The following TMTC2 variants were observed in gnomAD, a reference collection of about 807,000 sequenced individuals.
TMTC2 encodes the protein transmembrane O-mannosyltransferase targeting cadherins 2.
A neutral mutation model predicts 82.4 loss-of-function variants in TMTC2; 43 were observed. The ratio of observed to expected loss-of-function variants is 0.52; its 90% confidence interval spans 0.41 to 0.67. The LOEUF (loss-of-function observed/expected upper bound fraction) is 0.67, where lower values mean the gene tolerates loss of function less well. TMTC2 is among the 30% of genes least tolerant of loss of function. The pLI is 0.00. For synonymous variants in TMTC2, 408 were observed against 381.9 expected, an observed-to-expected ratio of 1.07 and a Z score of -0.80; for missense variants, 919 against 1,012.4, an observed-to-expected ratio of 0.91 and a Z score of 1.25.
intron 1 of TMTC2, among the ~76,000 whole-genome samples, chr12:82,721,863 T>C (rs7974416): frequency 6.6e-6 from 1 of 152,204 alleles, no homozygotes; most frequent in African/African-American, 2.4e-5. Context: ...GAGTACTATG[T>C]GATATAAATA....
intron 1 of TMTC2, among the ~76,000 whole-genome samples, chr12:82,728,772 C>T (rs1424912883): frequency 6.6e-6 from 1 of 152,198 alleles, no homozygotes; most frequent in Non-Finnish European, 1.5e-5. Context: ...GGTGTGGAGG[C>T]AGAGGCGTGG....
At chr12:82,960,353 A>G (rs1338451948) in intron 4 of TMTC2, among the ~76,000 whole-genome samples, 1 of 152,120 alleles carries the variant, frequency 6.6e-6, no homozygotes, top group Non-Finnish European at 1.5e-5. Flanking sequence ...AGCACTAGTC[A>G]AAATAACAAA....
At chr12:82,828,591 T>C (rs1469946546) in intron 1 of TMTC2, among the ~76,000 whole-genome samples, 1 of 152,192 alleles carries the variant, frequency 6.6e-6, no homozygotes, top group African/African-American at 2.4e-5. Flanking sequence ...TAGTTAAGCC[T>C]TTCATATGAG....
At chr12:82,960,309 A>G (rs368238782) in intron 4 of TMTC2, among the ~76,000 whole-genome samples, 6 of 152,124 alleles carry the variant, frequency 3.9e-5, no homozygotes, top group Non-Finnish European at 7.4e-5. Context: ...AACTCATTCA[A>G]TCAAAAAGAC....
At chr12:82,713,156 C>T (rs1873715675) in intron 1 of TMTC2, among the ~76,000 whole-genome samples, 1 of 151,962 alleles carries the variant, frequency 6.6e-6, no homozygotes, top group African/African-American at 2.4e-5. Flanking sequence ...CCCGTCTCTA[C>T]TAGAAAGACA....
At chr12:82,999,870 A>C (rs2137364993) in intron 8 of TMTC2, among the ~76,000 whole-genome samples, 1 of 152,306 alleles carries the variant, frequency 6.6e-6, no homozygotes, top group East Asian at 1.9e-4. Context: ...TCATGTCTTC[A>C]CATTTCAAAA....
intron 1 of TMTC2, among the ~76,000 whole-genome samples, chr12:82,713,081 A>G (rs938331173): frequency 6.6e-6 from 1 of 152,190 alleles, no homozygotes; most frequent in Non-Finnish European, 1.5e-5. Context: ...GCACTTTGGG[A>G]GGCCAAGGAG....
intron 4 of TMTC2, among the ~76,000 whole-genome samples, chr12:82,955,822 C>G (rs2137286722): frequency 6.6e-6 from 1 of 152,148 alleles, no homozygotes; most frequent in African/African-American, 2.4e-5. Flanking sequence ...GAGGAGAAAT[C>G]TGAGAAGTAA....
At chr12:83,088,249 T>A (rs1055830248) in intron 11 of TMTC2, among the ~76,000 whole-genome samples, 1 of 152,252 alleles carries the variant, frequency 6.6e-6, no homozygotes, top group Non-Finnish European at 1.5e-5. Context: ...TTGTTCTTGA[T>A]TAAGCTTTGG....
chr12:82,925,988 T>TG (rs1875685716), intron 3 of TMTC2, among the ~76,000 whole-genome samples: 1 of 66,684 alleles, frequency 1.5e-5, no homozygotes, highest in Admixed American at 1.7e-4. Flanking sequence ...TGTTTTTTTT[T>TG]TTTGTTTTTT....
chr12:83,122,690 C>G (rs1022887803), intron 11 of TMTC2, among the ~76,000 whole-genome samples: 3 of 152,174 alleles, frequency 2.0e-5, no homozygotes, highest in East Asian at 3.9e-4. Context: ...CCGTGTCCTG[C>G]GGGAGCATTC....
At chr12:82,848,728 A>G (rs1870816172) in intron 1 of TMTC2, among the ~76,000 whole-genome samples, 1 of 152,106 alleles carries the variant, frequency 6.6e-6, no homozygotes, top group African/African-American at 2.4e-5. Flanking sequence ...CTCCTGAAAT[A>G]TCTCCCATAT....
At chr12:82,864,655 C>T (rs1056086231) in intron 2 of TMTC2, among the ~76,000 whole-genome samples, 4 of 151,346 alleles carry the variant, frequency 2.6e-5, no homozygotes, top group African/African-American at 7.3e-5. Flanking sequence ...GCACACACCA[C>T]CATGCCCAGC....
chr12:82,846,905 T>C (rs1870713702), intron 1 of TMTC2, among the ~76,000 whole-genome samples: 2 of 152,088 alleles, frequency 1.3e-5, no homozygotes, highest in African/African-American at 4.8e-5. Context: ...TTTGGAAAAG[T>C]GTTACCAGTG....
intron 2 of TMTC2, among the ~76,000 whole-genome samples, chr12:82,884,179 C>T (rs1213870160): frequency 1.3e-5 from 2 of 152,106 alleles, no homozygotes; most frequent in Admixed American, 6.5e-5. Flanking sequence ...GCCATGGGTA[C>T]GCAAGAAATT....
intron 7 of TMTC2, among the ~76,000 whole-genome samples, chr12:82,984,061 A>C (rs1879047300): frequency 6.6e-6 from 1 of 152,084 alleles, no homozygotes; most frequent in African/African-American, 2.4e-5. Flanking sequence ...GGAAATTAAA[A>C]AAACAATTTC....
chr12:83,069,139 T>G (rs1184272660), intron 11 of TMTC2, among the ~76,000 whole-genome samples: 1 of 152,222 alleles, frequency 6.6e-6, no homozygotes, highest in Non-Finnish European at 1.5e-5. Context: ...TCCAAAATTT[T>G]GCTATTGTGA....
intron 11 of TMTC2, among the ~76,000 whole-genome samples, chr12:83,104,836 G>C (rs1884342688): frequency 6.6e-6 from 1 of 152,082 alleles, no homozygotes; most frequent in Admixed American, 6.5e-5. Context: ...TTCTTTCTCT[G>C]CCACATGGCC....
intron 4 of TMTC2, among the ~76,000 whole-genome samples, chr12:82,957,689 CAAAGAAATATA>C (rs1877688706): frequency 6.6e-6 from 1 of 151,464 alleles, no homozygotes; most frequent in South Asian, 2.1e-4. Context: ...CAAATAAGTA[CAAAGAAATATA>C]AAAGATCCTC....
Sources: gnomAD v4.1 joint callset for allele counts (sites outside exome capture counted in the v4.1 genomes callset) on GRCh38, gnomAD v4.1.1 for gene constraint, MANE v1.5 for transcripts, NCBI Gene and HGNC (gene_info 2026-07-23, HGNC 2026-07-21) for gene names.